The following EYS variants were observed in gnomAD, a reference collection of about 807,000 sequenced individuals.
EYS encodes the protein protein eyes shut homolog.
In EYS, 250 loss-of-function variants were observed where a neutral mutation model predicts 282.1. That is an observed-to-expected ratio of 0.89 (90% CI 0.80 to 0.98). The LOEUF is 0.98. Among genes scored for constraint, EYS ranks in the 50% least tolerant of loss-of-function variants. EYS has a pLI of 0.00. For missense variants in EYS, 4,016 were observed against 3,709.0 expected (o/e 1.08, Z -2.15); for synonymous variants, 1,355 against 1,282.9 (o/e 1.06, Z -1.20).
At chr6:65,104,317 G>A (rs1774973219) in intron 12 of EYS, among the ~76,000 whole-genome samples, 1 of 151,294 alleles carries the variant, frequency 6.6e-6, no homozygotes, top group Admixed American at 6.6e-5. Context: ...TGTTTAGAAT[G>A]TTGTTTCTTT....
intron 12 of EYS, among the ~76,000 whole-genome samples, chr6:65,091,460 T>TAAATAAATAAAG (rs1774563491): frequency 6.7e-6 from 1 of 150,068 alleles, no homozygotes; most frequent in South Asian, 2.1e-4. Flanking sequence ...AAGAAATAAA[T>TAAATAAATAAAG]AAATAAATAA....
intron 26 of EYS, among the ~76,000 whole-genome samples, chr6:64,585,679 A>C (rs990091086): frequency 6.6e-6 from 1 of 152,004 alleles, no homozygotes; most frequent in Admixed American, 6.6e-5. Context: ...TAGACTTTCT[A>C]TTCTATTTCC....
intron 40 of EYS, among the ~76,000 whole-genome samples, chr6:63,768,672 T>G (rs1182702230): frequency 6.6e-6 from 1 of 151,852 alleles, no homozygotes; most frequent in Middle Eastern, 3.2e-3. Context: ...GTGTGGAGAT[T>G]TCTTAAAGAA....
intron 16 of EYS, among the ~76,000 whole-genome samples, chr6:64,908,114 T>A (rs1019567455): frequency 2.0e-5 from 3 of 152,124 alleles, no homozygotes; most frequent in Non-Finnish European, 1.5e-5. Flanking sequence ...AATGTGGAAG[T>A]GATGCAGGAT....
intron 12 of EYS, among the ~76,000 whole-genome samples, chr6:65,277,294 A>G (rs1234331651): frequency 1.3e-5 from 2 of 152,100 alleles, no homozygotes; most frequent in African/African-American, 4.8e-5. Flanking sequence ...TTAGCTGGGC[A>G]TGTTGGCACA....
At position 64,813,584 on chromosome 6, in the gene EYS, T is replaced by C; in HGVS notation, c.3244-7A>G. 1 of 1,521,708 alleles carries C rather than the reference T, an allele frequency of 6.6e-7. No homozygotes were observed. Among genetic ancestry groups the C allele is most frequent in the Non-Finnish European group, 8.9e-7 (1 of 1,128,390 alleles). 94.3% of individuals were successfully genotyped at this position (1,521,708 alleles called of 1,614,324 possible). Reference sequence around the variant, plus strand: ...AAGGGATTGATGTGCAGTCCTAGATTAAGAAATAGAGAATCAAATTTGATT... The same window carrying C: ...AAGGGATTGATGTGCAGTCCTAGATCAAGAAATAGAGAATCAAATTTGATT... On this transcript the variant is annotated splice_region_variant and splice_polypyrimidine_tract_variant and intron_variant, in intron 21 of 42. Coordinates refer to ENST00000503581, the MANE Select transcript of EYS (RefSeq NM_001142800.2).
At chr6:65,589,621 G>C (rs1765165698) in intron 2 of EYS, among the ~76,000 whole-genome samples, 1 of 151,770 alleles carries the variant, frequency 6.6e-6, no homozygotes, top group East Asian at 1.9e-4. Flanking sequence ...TGAAGGCCCA[G>C]ATTATTATTT....
intron 5 of EYS, among the ~76,000 whole-genome samples, chr6:65,435,926 C>T (rs1457460208): frequency 6.6e-6 from 1 of 152,034 alleles, no homozygotes; most frequent in African/African-American, 2.4e-5. Flanking sequence ...ACAGAGAGGC[C>T]TATGAAGAAA....
intron 26 of EYS, among the ~76,000 whole-genome samples, chr6:64,515,302 A>T (rs1488705519): frequency 2.0e-5 from 3 of 151,694 alleles, no homozygotes; most frequent in Non-Finnish European, 4.4e-5. Context: ...AAATATCTTG[A>T]CTAAGCCTAC....
intron 28 of EYS, among the ~76,000 whole-genome samples, chr6:64,416,468 G>A (rs1049140602): frequency 4.6e-5 from 7 of 150,658 alleles, no homozygotes; most frequent in Admixed American, 4.0e-4. Flanking sequence ...TTTAGTGTAT[G>A]TGAATGCATC....
chr6:64,642,481 A>T (rs1023283), intron 22 of EYS, among the ~76,000 whole-genome samples: 90,865 of 151,970 alleles, frequency 0.6, 27,351 homozygotes, highest in South Asian at 0.66. Context: ...TTATAAGGTT[A>T]TCCTACTGTG....
intron 40 of EYS, among the ~76,000 whole-genome samples, chr6:63,772,000 G>C (rs1240213385): frequency 6.6e-6 from 1 of 152,030 alleles, no homozygotes; most frequent in Non-Finnish European, 1.5e-5. Context: ...TGTATTTTCT[G>C]TCCTAGAGCT....
intron 30 of EYS, among the ~76,000 whole-genome samples, chr6:64,283,988 T>C (rs1458982597): frequency 6.6e-6 from 1 of 152,138 alleles, no homozygotes; most frequent in Admixed American, 6.5e-5. Flanking sequence ...CAGATTTGGA[T>C]GAGGACACAG....
intron 35 of EYS, among the ~76,000 whole-genome samples, chr6:63,966,556 C>T (rs190661003): frequency 1.1e-3 from 160 of 152,254 alleles, no homozygotes; most frequent in African/African-American, 3.8e-3. Context: ...GCATAAGAGC[C>T]GTTTCAGTAG....
At chr6:64,455,287 AG>A (rs1775516981) in intron 26 of EYS, among the ~76,000 whole-genome samples, 1 of 152,160 alleles carries the variant, frequency 6.6e-6, no homozygotes. Flanking sequence ...TTCTTAAAAT[AG>A]TTTACTAGTT....
chr6:64,889,021 T>G (rs1458108939), intron 18 of EYS, among the ~76,000 whole-genome samples: 2 of 152,130 alleles, frequency 1.3e-5, no homozygotes, highest in Non-Finnish European at 2.9e-5. Flanking sequence ...ATTATATTTT[T>G]AGAAGTTTCA....
chr6:64,726,489 G>C (rs1020379705), intron 22 of EYS, among the ~76,000 whole-genome samples: 1 of 152,024 alleles, frequency 6.6e-6, no homozygotes, highest in South Asian at 2.1e-4. Context: ...GCTAACTATA[G>C]ATAGATATTA....
intron 15 of EYS, among the ~76,000 whole-genome samples, chr6:64,920,140 G>T (rs1768293268): frequency 6.6e-6 from 1 of 151,918 alleles, no homozygotes. Flanking sequence ...TTACCACTTG[G>T]ATGATCAGAA....
intron 30 of EYS, among the ~76,000 whole-genome samples, chr6:64,304,041 A>G (rs1447251214): frequency 1.3e-5 from 2 of 152,304 alleles, no homozygotes; most frequent in East Asian, 3.9e-4. Context: ...GGGTTTGGCA[A>G]TGTGGCAATG....
Sources: allele counts gnomAD v4.1 joint callset (sites outside exome capture counted in the v4.1 genomes callset), GRCh38; gene constraint gnomAD v4.1.1; transcripts MANE v1.5; gene names NCBI Gene and HGNC (gene_info 2026-07-23, HGNC 2026-07-21).